DCAF17: variants seen among roughly 807,000 people sequenced by gnomAD.
The protein encoded by DCAF17 is DDB1- and CUL4-associated factor 17.
In DCAF17, 48 loss-of-function variants were observed where a neutral mutation model predicts 66.0. That is an observed-to-expected ratio of 0.73 (90% CI 0.58 to 0.92). The LOEUF (loss-of-function observed/expected upper bound fraction) is 0.92, where lower values mean the gene tolerates loss of function less well. DCAF17 is among the 40% of genes least tolerant of loss of function. The pLI is 0.00. For synonymous variants in DCAF17, 206 were observed against 214.6 expected (o/e 0.96, Z 0.35); for missense variants, 562 against 622.8 (o/e 0.90, Z 1.04).
chr2:171,459,680 A>G (rs1259484845), intron 8 of DCAF17, among the ~76,000 whole-genome samples: 1 of 152,246 alleles, frequency 6.6e-6, no homozygotes, highest in Non-Finnish European at 1.5e-5. Context: ...GTAATAGACC[A>G]AGAAACAGAA....
chr2:171,444,816 T>A (rs1694521842), intron 3 of DCAF17, among the ~76,000 whole-genome samples: 1 of 152,230 alleles, frequency 6.6e-6, no homozygotes, highest in Non-Finnish European at 1.5e-5. Context: ...AATTTATTGT[T>A]AATTTTTTTT....
Position 171,434,669 on chromosome 2 carries a change from C to G in DCAF17, c.92C>G (p.Thr31Ser). ...FSRDAGVVQR[T>S]NLGILRALVC... ...CGCGACGCAGGCGTGGTGCAGAGGA[C>G]CAACCTGGGCATCCTGCGGGCGCTG... The change falls in exon 1 of 14, where the codon ACC becomes AGC. Residue 31 changes from threonine (T) to serine (S), a missense_variant. By Grantham distance (58) the Thr-to-Ser change is moderately conservative. This residue lies in a region of DCAF17 where 348 missense variants were observed against 355.9 expected (regional missense o/e 0.98). Coordinates refer to ENST00000375255, the MANE Select transcript of DCAF17 (RefSeq NM_025000.4). The G allele has an allele frequency of 1.3e-6, 2 of 1,514,906 alleles. No homozygotes were observed. The highest frequency in any genetic ancestry group is 2.6e-5 in the East Asian group (1 of 37,930). 93.8% of individuals were successfully genotyped at this position (1,514,906 alleles called of 1,614,324 possible).
intron 8 of DCAF17, among the ~76,000 whole-genome samples, chr2:171,463,636 T>G (rs1695728487): frequency 6.6e-6 from 1 of 152,246 alleles, no homozygotes; most frequent in Non-Finnish European, 1.5e-5. Flanking sequence ...CATAATTTAC[T>G]TAACCAGTTC....
rs1229341331 is a variant in DCAF17, at chr2:171,480,055, C to T, written c.1284C>T (p.Asp428=). The change falls in exon 13 of 14, where the codon GAC becomes GAT. Residue 428 remains aspartate (D), a synonymous_variant. Coordinates refer to ENST00000375255, the MANE Select transcript of DCAF17 (RefSeq NM_025000.4). ...TCCCAAAGACTTTCAAAATTGTGGA[C>T]TATGAAGATGAGTTAGATTTGCTTT... ...DPEQETFKIV[D]YEDELDLLSV... 2 of 1,613,594 alleles carry T rather than the reference C, an allele frequency of 1.2e-6. No individual in the cohort carries two copies. Among genetic ancestry groups the T allele is most frequent in the African/African-American group, 1.3e-5 (1 of 75,010 alleles).
chr2:171,446,229 T>G (rs982812565), intron 3 of DCAF17, among the ~76,000 whole-genome samples: 4 of 152,128 alleles, frequency 2.6e-5, no homozygotes, highest in African/African-American at 9.7e-5. Flanking sequence ...GCAAAATGAT[T>G]CATTCCAACC....
At chr2:171,458,134 A>ATTTT in intron 7 of DCAF17, 59 bp downstream of exon 7, 1 of 1,267,982 alleles carries the variant, frequency 7.9e-7, no homozygotes, top group Non-Finnish European at 1.1e-6. Flanking sequence ...CTAAAGTATG[A>ATTTT]TTTTTTTTTT....
Position 171,469,018 on chromosome 2 carries a change from A to G in DCAF17, c.969A>G (p.Lys323=). The change falls in exon 9 of 14, where the codon AAA becomes AAG. Residue 323 remains lysine, a synonymous_variant. Transcript: ENST00000375255. The part of the protein sequence containing the change: ...QKGVFHICAL[K]DNSLAKNGIQ... The stretch of plus-strand genomic sequence containing the variant: ...GAGTTTTCCATATTTGTGCCCTAAA[A>G]GACAATTCCCTGGTAAATGAGTGAT... The G allele has an allele frequency of 6.2e-7, 1 of 1,614,138 alleles. No individual in the cohort carries two copies. The highest frequency in any genetic ancestry group is 8.5e-7 in the Non-Finnish European group (1 of 1,179,986).
chr2:171,466,868 T>C (rs1695934791), intron 8 of DCAF17, among the ~76,000 whole-genome samples: 1 of 152,036 alleles, frequency 6.6e-6, no homozygotes, highest in Non-Finnish European at 1.5e-5. Context: ...TGTTTTTCTT[T>C]TAATAATTTT....
chr2:171,435,230 G>A, intron 2 of DCAF17, 44 bp downstream of exon 2: 1 of 1,390,482 alleles, frequency 7.2e-7, no homozygotes, highest in Non-Finnish European at 1.0e-6. Context: ...CCTCACTGTT[G>A]ATCTTAACTA....
At chr2:171,470,277 A>G (rs1039116726) in intron 9 of DCAF17, among the ~76,000 whole-genome samples, 18 of 152,062 alleles carry the variant, frequency 1.2e-4, no homozygotes, top group African/African-American at 3.9e-4. Context: ...CCCTCTTGAT[A>G]TATCAGAAGA....
chr2:171,471,782 A>T (rs1696255109), intron 9 of DCAF17, among the ~76,000 whole-genome samples: 1 of 152,182 alleles, frequency 6.6e-6, no homozygotes, highest in South Asian at 2.1e-4. Flanking sequence ...TGGGAGGCCT[A>T]GGCAGGCAGA....
chr2:171,469,717 T>C (rs78076961), intron 9 of DCAF17, among the ~76,000 whole-genome samples: 1,707 of 152,298 alleles, frequency 0.011, 33 homozygotes, highest in African/African-American at 0.039. Context: ...TAAGATGCAA[T>C]GTATTAAGTA....
chr2:171,465,697 C>T (rs950903232), intron 8 of DCAF17, among the ~76,000 whole-genome samples: 3 of 152,096 alleles, frequency 2.0e-5, no homozygotes, highest in African/African-American at 7.2e-5. Flanking sequence ...CTTGGCCAGG[C>T]TGGTCTTGAA....
intron 3 of DCAF17, among the ~76,000 whole-genome samples, chr2:171,445,831 C>T (rs1423122811): frequency 6.6e-6 from 1 of 151,928 alleles, no homozygotes; most frequent in East Asian, 1.9e-4. Context: ...TACAGGTGTG[C>T]ACCAACAAAC....
intron 9 of DCAF17, among the ~76,000 whole-genome samples, chr2:171,469,295 A>T (rs762118586): frequency 6.6e-6 from 1 of 152,206 alleles, no homozygotes; most frequent in African/African-American, 2.4e-5. Flanking sequence ...CCAGCAAGGA[A>T]TCTCATGTAA....
chr2:171,470,265 C>T (rs1696166648), intron 9 of DCAF17, among the ~76,000 whole-genome samples: 1 of 152,246 alleles, frequency 6.6e-6, no homozygotes, highest in South Asian at 2.1e-4. Context: ...TCAAGTGATC[C>T]TCCCTCTTGA....
At chr2:171,447,791 G>A (rs941404601) in intron 3 of DCAF17, among the ~76,000 whole-genome samples, 2 of 152,226 alleles carry the variant, frequency 1.3e-5, no homozygotes, top group Non-Finnish European at 2.9e-5. Flanking sequence ...TGGGGACCAC[G>A]ATGCCCTTTT....
intron 4 of DCAF17, among the ~76,000 whole-genome samples, chr2:171,449,624 A>G (rs1694831460): frequency 6.6e-6 from 1 of 152,206 alleles, no homozygotes; most frequent in Non-Finnish European, 1.5e-5. Flanking sequence ...CTAAGTTTTG[A>G]ATACTCTTAG....
intron 4 of DCAF17, among the ~76,000 whole-genome samples, chr2:171,449,490 ATTT>A (rs1694825034): frequency 6.6e-6 from 1 of 152,210 alleles, no homozygotes; most frequent in Non-Finnish European, 1.5e-5. Context: ...AAGAACTGTT[ATTT>A]TAACTATTAG....
Sources: allele counts gnomAD v4.1 joint callset (sites outside exome capture counted in the v4.1 genomes callset), GRCh38; gene constraint gnomAD v4.1.1; regional missense constraint gnomAD v4.1.1; transcripts MANE v1.5; gene names NCBI Gene and HGNC (gene_info 2026-07-23, HGNC 2026-07-21).